MAPRE1: variants seen among roughly 807,000 people sequenced by gnomAD.
MAPRE1 encodes the protein microtubule associated protein RP/EB family member 1.
In MAPRE1, 5 loss-of-function variants were observed where a neutral mutation model predicts 32.1. The ratio of observed to expected loss-of-function variants is 0.16; its 90% CI spans 0.08 to 0.33. The LOEUF (loss-of-function observed/expected upper bound fraction) is 0.33, where lower values mean the gene tolerates loss of function less well. MAPRE1 is among the 10% of genes least tolerant of loss of function. MAPRE1 has a pLI of 1.00. For missense variants in MAPRE1, 209 were observed against 327.2 expected (o/e 0.64, Z 2.79); for synonymous variants, 122 against 118.9 (o/e 1.03, Z -0.17).
intron 4 of MAPRE1, 38 bp from the exon 5 acceptor site, chr20:32,839,697 A>T (rs774583290): frequency 6.2e-7 from 1 of 1,610,704 alleles, no homozygotes; most frequent in East Asian, 2.2e-5. Flanking sequence ...TTTGGGCTGG[A>T]ATTACTCCTT....
intron 2 of MAPRE1, among the ~76,000 whole-genome samples, chr20:32,828,237 C>A (rs1304755163): frequency 6.6e-6 from 1 of 152,168 alleles, no homozygotes. Context: ...ATTTCCCTAT[C>A]CCCATTTGTG....
chr20:32,835,532 A>G (rs1427545234), intron 3 of MAPRE1, among the ~76,000 whole-genome samples: 2 of 151,970 alleles, frequency 1.3e-5, no homozygotes, highest in Admixed American at 1.3e-4. Context: ...TCATTTTGTA[A>G]AAATTTATCC....
Position 32,836,755 on chromosome 20 carries a change from G to C in MAPRE1, c.389G>C (p.Arg130Thr), listed in dbSNP as rs769627024. ...AAAGACTATGACCCTGTGGCTGCCA[G>C]ACAAGGTCAAGAAACTGCAGTGGCT... ...DGKDYDPVAA[R>T]QGQETAVAPS... Residue 130 changes from arginine (R) to threonine (T), a missense_variant, in exon 4 of 7, where the codon AGA becomes ACA. By Grantham distance (71) the Arg-to-Thr change is moderately conservative. Around this residue, in one of 3 missense-constraint regions of MAPRE1, gnomAD observed 106 missense variants for 115.3 expected, o/e 0.92. Transcript: ENST00000375571. The C allele has an allele frequency of 5.6e-6, 9 of 1,614,062 alleles. No individual in the cohort carries two copies. The highest frequency in any genetic ancestry group is 7.6e-6 in the Non-Finnish European group (9 of 1,179,908).
At chr20:32,826,641 T>C (rs993295198) in intron 2 of MAPRE1, among the ~76,000 whole-genome samples, 1 of 145,998 alleles carries the variant, frequency 6.8e-6, no homozygotes, top group Non-Finnish European at 1.5e-5. Context: ...ATTCTCCTAC[T>C]TTAGCCTCCA....
At chr20:32,842,964 A>G (rs6579038) in intron 5 of MAPRE1, among the ~76,000 whole-genome samples, 9,182 of 152,120 alleles carry the variant, frequency 0.06, 281 homozygotes, top group East Asian at 0.077. Flanking sequence ...GAAGAGGCTT[A>G]TAACTCTGTT....
At chr20:32,841,297 A>G (rs528450177) in intron 5 of MAPRE1, among the ~76,000 whole-genome samples, 17 of 152,266 alleles carry the variant, frequency 1.1e-4, no homozygotes, top group Non-Finnish European at 2.5e-4. Flanking sequence ...TCCTGTAACT[A>G]TTTCAAGACA....
chr20:32,846,899 G>T (rs750330130), intron 6 of MAPRE1, 129 bp downstream of exon 6: 16 of 959,162 alleles, frequency 1.7e-5, no homozygotes, highest in Non-Finnish European at 2.5e-5. Flanking sequence ...CTCAAAGTCA[G>T]CCAGAGGGCA....
intron 1 of MAPRE1, among the ~76,000 whole-genome samples, chr20:32,821,739 G>T (rs1011629396): frequency 6.6e-6 from 1 of 152,172 alleles, no homozygotes; most frequent in Non-Finnish European, 1.5e-5. Flanking sequence ...AGGGCTTATT[G>T]TGGTGCCTTG....
At chr20:32,823,702 C>T (rs1243984841) in intron 1 of MAPRE1, among the ~76,000 whole-genome samples, 3 of 152,050 alleles carry the variant, frequency 2.0e-5, no homozygotes, top group African/African-American at 4.8e-5. Flanking sequence ...GAGGCTGGGC[C>T]GCAAAATGAG....
intron 1 of MAPRE1, among the ~76,000 whole-genome samples, chr20:32,823,681 G>GAGGATTGTTTGAGGCTGGGCCGC (rs1982764331): frequency 6.6e-6 from 1 of 152,238 alleles, no homozygotes; most frequent in Non-Finnish European, 1.5e-5. Flanking sequence ...GGCTGAGGCG[G>GAGGATTGTTTGAGGCTGGGCCGC]AGGATTGTTT....
At chr20:32,837,390 C>T (rs1983230748) in intron 4 of MAPRE1, among the ~76,000 whole-genome samples, 1 of 152,236 alleles carries the variant, frequency 6.6e-6, no homozygotes, top group African/African-American at 2.4e-5. Flanking sequence ...CTTTGGCTTG[C>T]CATGGTGCTA....
chr20:32,831,150 A>T (rs992587242), intron 2 of MAPRE1, among the ~76,000 whole-genome samples: 10 of 152,008 alleles, frequency 6.6e-5, no homozygotes, highest in Non-Finnish European at 1.5e-4. Context: ...GGTCTTCATT[A>T]AAAAAAATTA....
intron 4 of MAPRE1, among the ~76,000 whole-genome samples, chr20:32,837,045 A>G (rs1318188741): frequency 6.6e-6 from 1 of 152,084 alleles, no homozygotes; most frequent in Admixed American, 6.6e-5. Flanking sequence ...AGCAACTTCA[A>G]CTCTGCCCCA....
At chr20:32,846,003 T>A (rs1404137210) in intron 5 of MAPRE1, among the ~76,000 whole-genome samples, 1 of 152,240 alleles carries the variant, frequency 6.6e-6, no homozygotes, top group African/African-American at 2.4e-5. Context: ...TAGATGTGAA[T>A]ACAGTACACT....
At chr20:32,825,464 G>T (rs567063926) in intron 1 of MAPRE1, among the ~76,000 whole-genome samples, 10 of 152,112 alleles carry the variant, frequency 6.6e-5, no homozygotes, top group Admixed American at 6.5e-4. Flanking sequence ...AGTGTCTCTC[G>T]TTTGGCCTCA....
chr20:32,837,603 A>G (rs747111066), intron 4 of MAPRE1, among the ~76,000 whole-genome samples: 6 of 152,110 alleles, frequency 3.9e-5, no homozygotes, highest in Non-Finnish European at 8.8e-5. Context: ...ATACCTAGAG[A>G]GAGGCTTGTT....
chr20:32,846,888 C>T, intron 6 of MAPRE1, 118 bp downstream of exon 6: 1 of 1,123,980 alleles, frequency 8.9e-7, no homozygotes, highest in Non-Finnish European at 1.3e-6. Flanking sequence ...ATCTTTAACC[C>T]CTCAAAGTCA....
intron 1 of MAPRE1, among the ~76,000 whole-genome samples, chr20:32,823,350 T>C (rs1445025651): frequency 6.6e-6 from 1 of 152,208 alleles, no homozygotes; most frequent in Non-Finnish European, 1.5e-5. Context: ...TCAGGATTGT[T>C]CCAGATTGCT....
intron 5 of MAPRE1, among the ~76,000 whole-genome samples, chr20:32,844,003 G>T (rs980655692): frequency 6.6e-6 from 1 of 152,072 alleles, no homozygotes; most frequent in Non-Finnish European, 1.5e-5. Context: ...ATAGGTGCCT[G>T]CCTCCACGCC....
Sources: gnomAD v4.1 joint callset for allele counts (sites outside exome capture counted in the v4.1 genomes callset) on GRCh38, gnomAD v4.1.1 for gene constraint, gnomAD v4.1.1 regional missense constraint, MANE v1.5 for transcripts, NCBI Gene and HGNC (gene_info 2026-07-23, HGNC 2026-07-21) for gene names.